The following COBL variants were observed in gnomAD, a reference collection of about 807,000 sequenced individuals.
COBL encodes protein cordon-bleu.
Under a neutral mutation model 98.8 loss-of-function variants are expected in COBL, and 51 were observed. The ratio of observed to expected loss-of-function variants is 0.52; its 90% CI spans 0.41 to 0.65. COBL has a LOEUF of 0.65. Among genes scored for constraint, COBL ranks in the 30% least tolerant of loss-of-function variants. The probability of loss-of-function intolerance (pLI) is 0.00; values close to 1 mark genes in which losing one functional copy is unlikely to be tolerated. For synonymous variants in COBL, 634 were observed against 651.7 expected, an observed-to-expected ratio of 0.97 and a Z score of 0.41; for missense variants, 1,617 against 1,617.5, an observed-to-expected ratio of 1.00 and a Z score of 0.01.
chr7:51,223,120 G>A (rs1793818337), intron 1 of COBL, among the ~76,000 whole-genome samples: 1 of 152,244 alleles, frequency 6.6e-6, no homozygotes, highest in African/African-American at 2.4e-5. Flanking sequence ...TCTCAGGCCT[G>A]ACTTTGCTCG....
At chr7:51,108,917 G>GACAC (rs1159629618) in intron 6 of COBL, among the ~76,000 whole-genome samples, 84 of 57,914 alleles carry the variant, frequency 1.5e-3, no homozygotes, top group East Asian at 4.3e-3. Context: ...CTGACACATA[G>GACAC]ACACACACAC....
intron 3 of COBL, among the ~76,000 whole-genome samples, chr7:51,192,602 G>A (rs781694362): frequency 2.6e-5 from 4 of 152,014 alleles, no homozygotes; most frequent in East Asian, 1.9e-4. Flanking sequence ...GTGAAGCTCC[G>A]TCTCAAAACA....
intron 1 of COBL, among the ~76,000 whole-genome samples, chr7:51,237,657 T>G (rs1358286736): frequency 7.2e-5 from 11 of 152,006 alleles, no homozygotes; most frequent in African/African-American, 2.4e-4. Flanking sequence ...AAACACAGAA[T>G]GCTTGTCATA....
At chr7:51,065,238 G>A (rs780091061) in intron 7 of COBL, 6 of 703,498 alleles carry the variant, frequency 8.5e-6, no homozygotes, top group East Asian at 2.7e-5. Context: ...GTGTGCACAT[G>A]CATTCACAAA....
intron 1 of COBL, among the ~76,000 whole-genome samples, chr7:51,259,153 G>A (rs1214865963): frequency 1.3e-5 from 2 of 152,038 alleles, no homozygotes; most frequent in Non-Finnish European, 2.9e-5. Flanking sequence ...CAGATGCAGT[G>A]GCGATTGCCT....
At chr7:51,280,113 G>C (rs777527275) in intron 1 of COBL, among the ~76,000 whole-genome samples, 3 of 152,176 alleles carry the variant, frequency 2.0e-5, no homozygotes, top group Non-Finnish European at 4.4e-5. Context: ...TGATGACTCT[G>C]AGAAGTTGGG....
chr7:51,187,653 G>GT (rs1429785404), intron 4 of COBL, among the ~76,000 whole-genome samples: 2 of 152,166 alleles, frequency 1.3e-5, no homozygotes, highest in African/African-American at 4.8e-5. Flanking sequence ...TTTGTTTTCT[G>GT]TAACAGCCTC....
At chr7:51,116,470 T>C (rs1243033907) in intron 6 of COBL, among the ~76,000 whole-genome samples, 1 of 152,170 alleles carries the variant, frequency 6.6e-6, no homozygotes, top group African/African-American at 2.4e-5. Context: ...TGCTTTATGC[T>C]ATAGTTGTCT....
At chr7:51,273,477 CA>C (rs1348669411) in intron 1 of COBL, among the ~76,000 whole-genome samples, 1 of 151,870 alleles carries the variant, frequency 6.6e-6, no homozygotes, top group Non-Finnish European at 1.5e-5. Flanking sequence ...CCTCATTTAC[CA>C]AAAAACAAAA....
At chr7:51,265,752 C>T (rs577291553) in intron 1 of COBL, among the ~76,000 whole-genome samples, 136 of 152,296 alleles carry the variant, frequency 8.9e-4, no homozygotes, top group African/African-American at 2.7e-3. Flanking sequence ...CTCCCTGCCC[C>T]GGCTCTCAGG....
chr7:51,212,636 G>A (rs1460686497), intron 2 of COBL, among the ~76,000 whole-genome samples: 1 of 152,178 alleles, frequency 6.6e-6, no homozygotes. Context: ...CAGTCCCCCT[G>A]TTCATGCCAC....
At position 51,025,108 on chromosome 7, in the gene COBL, C is replaced by G; in HGVS notation, c.3768+1G>C. On this transcript the variant is annotated splice_donor_variant, in intron 12 of 12. Coordinates refer to ENST00000265136, the MANE Select transcript of COBL (RefSeq NM_015198.5). LOFTEE classifies it high-confidence loss of function. ...AAATGCGCACACACAGTCGCCATCA[C>G]CTTTCTCAGTCTCGCAGCCCCTGTG... 6.2e-7 allele frequency: 1 copy of G among 1,612,012 alleles called. No individual in the cohort carries two copies. Among genetic ancestry groups the G allele is most frequent in the Non-Finnish European group, 8.5e-7 (1 of 1,179,856 alleles).
rs143805246 is a variant in COBL, at chr7:51,028,168, G to C, written c.2928C>G (p.Phe976Leu). Residue 976 changes from phenylalanine (F) to leucine (L), a missense_variant, in exon 10 of 13, where the codon TTC (phenylalanine) becomes TTG (leucine). By Grantham distance (22) the Phe-to-Leu change is conservative. Transcript: ENST00000265136. ...RPAAIHRSSCFSLVQSSQRDR... is the reference protein window; with the variant it reads ...RPAAIHRSSCLSLVQSSQRDR... The stretch of plus-strand genomic sequence containing the variant: ...CCCTCTGGGAAGACTGAACCAGTGA[G>C]AAACAGGAGCTTCTGTGGATAGCAG... 2.5e-6 allele frequency: 4 copies of C among 1,614,266 alleles called. No individual in the cohort carries two copies. Among genetic ancestry groups the C allele is most frequent in the Non-Finnish European group, 3.4e-6 (4 of 1,180,048 alleles).
chr7:51,073,496 C>G, intron 7 of COBL: 1 of 501,478 alleles, frequency 2.0e-6, no homozygotes, highest in Middle Eastern at 3.1e-4. Flanking sequence ...GCATAGCAAG[C>G]GTTCTATCAG....
intron 1 of COBL, among the ~76,000 whole-genome samples, chr7:51,225,112 G>A (rs1356255074): frequency 6.6e-6 from 1 of 152,146 alleles, no homozygotes; most frequent in Non-Finnish European, 1.5e-5. Context: ...TCTGTTAAAC[G>A]CAGGCACCAT....
At position 51,187,983 on chromosome 7, in the gene COBL, G is replaced by A. The variant is rs553296853; in HGVS notation, c.685+2867C>T. On this transcript the variant is annotated intron_variant, in intron 4 of 12. Coordinates refer to ENST00000265136, the MANE Select transcript of COBL (RefSeq NM_015198.5). ...ACTGGAAAAGGCAGGCAATGAGAGAGTGAGGTCCAGCTTTGAGATGTGTGG... is the reference window on the plus strand; with the variant it reads ...ACTGGAAAAGGCAGGCAATGAGAGAATGAGGTCCAGCTTTGAGATGTGTGG... 1.2e-4 allele frequency: 153 copies of A among 1,232,344 alleles called. 1 individual carries two copies. The highest frequency in any genetic ancestry group is 1.1e-3 in the Admixed American group (26 of 23,726). 76.3% of individuals were successfully genotyped at this position (1,232,344 alleles called of 1,614,324 possible).
chr7:51,118,900 A>C (rs1385355124), intron 6 of COBL, among the ~76,000 whole-genome samples: 2 of 152,220 alleles, frequency 1.3e-5, no homozygotes, highest in East Asian at 3.8e-4. Context: ...CAGTATCTGC[A>C]AATCGATGCT....
chr7:51,181,345 ATAATTAGCTCT>A (rs1584079540), intron 5 of COBL, among the ~76,000 whole-genome samples: 3 of 152,358 alleles, frequency 2.0e-5, no homozygotes, highest in East Asian at 3.8e-4. Flanking sequence ...CCTGAGCTAA[ATAATTAGCTCT>A]TAAAGCCAAT....
chr7:51,075,638 T>C (rs1314047915), intron 7 of COBL, among the ~76,000 whole-genome samples: 1 of 152,198 alleles, frequency 6.6e-6, no homozygotes, highest in Non-Finnish European at 1.5e-5. Flanking sequence ...CGATCTGCTT[T>C]TATGAGCTGG....
Sources: gnomAD v4.1 joint callset for allele counts (sites outside exome capture counted in the v4.1 genomes callset) on GRCh38, gnomAD v4.1.1 for gene constraint, MANE v1.5 for transcripts, NCBI Gene and HGNC (gene_info 2026-07-23, HGNC 2026-07-21) for gene names.